The following PDGFD variants were observed in gnomAD, a reference collection of about 807,000 sequenced individuals.
PDGFD encodes the protein platelet-derived growth factor D.
In PDGFD, 30 loss-of-function variants were observed where a neutral mutation model predicts 44.7. The observed-to-expected ratio is 0.67, with a 90% CI of 0.50 to 0.91. The LOEUF is 0.91. Among genes scored for constraint, PDGFD ranks in the 40% least tolerant of loss-of-function variants. The probability of loss-of-function intolerance (pLI) is 0.00; values close to 1 mark genes in which losing one functional copy is unlikely to be tolerated. For missense variants in PDGFD, 445 were observed against 457.8 expected (o/e 0.97, Z 0.25); for synonymous variants, 173 against 168.4 (o/e 1.03, Z -0.21).
intron 6 of PDGFD, among the ~76,000 whole-genome samples, chr11:103,917,875 C>T (rs560114394): frequency 1.6e-4 from 24 of 152,318 alleles, no homozygotes; most frequent in African/African-American, 5.3e-4. Context: ...TTTGCTTGAA[C>T]TTTTGTCCTA....
rs368482614 is a variant in PDGFD, at chr11:104,119,010, A to ATCG, written c.124+44793_124+44794insCGA. ...ATTTATTAATATAATAAAATAATAT[A>ATCG]ATATATTATATAATATATCGATATA... On this transcript the variant is annotated intron_variant, in intron 1 of 6. Coordinates refer to ENST00000393158, the MANE Select transcript of PDGFD (RefSeq NM_025208.5). Among the ~76,000 whole-genome samples, 71 of 21,446 alleles carry ATCG rather than the reference A, an allele frequency of 3.3e-3. 25 individuals carry two copies. Among genetic ancestry groups the ATCG allele is most frequent in the East Asian group, 0.012 (6 of 494 alleles). 14.1% of individuals were successfully genotyped at this position (21,446 alleles called of 152,430 possible).
intron 1 of PDGFD, among the ~76,000 whole-genome samples, chr11:104,137,393 G>C (rs1037074910): frequency 1.3e-5 from 2 of 151,826 alleles, no homozygotes; most frequent in Non-Finnish European, 2.9e-5. Context: ...GAATAAAGTA[G>C]AATGACTGGC....
intron 3 of PDGFD, among the ~76,000 whole-genome samples, chr11:103,970,847 C>A (rs1859093213): frequency 6.6e-6 from 1 of 152,116 alleles, no homozygotes; most frequent in South Asian, 2.1e-4. Context: ...GGCTCTGTAT[C>A]TACAAAGTTT....
intron 1 of PDGFD, among the ~76,000 whole-genome samples, chr11:104,004,371 C>T (rs1859667555): frequency 6.6e-6 from 1 of 152,090 alleles, no homozygotes; most frequent in South Asian, 2.1e-4. Context: ...GCATTATTCC[C>T]TAAACAATAC....
At chr11:104,055,317 G>C (rs1018490367) in intron 1 of PDGFD, among the ~76,000 whole-genome samples, 1 of 152,144 alleles carries the variant, frequency 6.6e-6, no homozygotes, top group African/African-American at 2.4e-5. Flanking sequence ...TTTCATTGTT[G>C]TATGTTTGAT....
chr11:104,101,348 G>C (rs1003076702), intron 1 of PDGFD, among the ~76,000 whole-genome samples: 2 of 151,952 alleles, frequency 1.3e-5, no homozygotes, highest in Non-Finnish European at 2.9e-5. Flanking sequence ...AACTTCCATT[G>C]ACAATTGCTT....
At chr11:104,078,332 T>C (rs1860996466) in intron 1 of PDGFD, among the ~76,000 whole-genome samples, 1 of 152,198 alleles carries the variant, frequency 6.6e-6, no homozygotes, top group Admixed American at 6.5e-5. Flanking sequence ...TGAGGCATGC[T>C]GGACAGGGTC....
chr11:103,977,115 C>T (rs572420212), intron 3 of PDGFD, among the ~76,000 whole-genome samples: 63 of 152,238 alleles, frequency 4.1e-4, no homozygotes, highest in African/African-American at 1.4e-3. Flanking sequence ...GATTTCTAGA[C>T]ATACACCCTC....
chr11:104,153,505 G>A (rs567702445), intron 1 of PDGFD, among the ~76,000 whole-genome samples: 2 of 152,248 alleles, frequency 1.3e-5, no homozygotes, highest in Admixed American at 6.5e-5. Context: ...GAGGAGGGTT[G>A]GGAGTCAGGG....
intron 5 of PDGFD, among the ~76,000 whole-genome samples, chr11:103,927,795 A>C (rs1338991774): frequency 6.6e-6 from 1 of 152,174 alleles, no homozygotes; most frequent in African/African-American, 2.4e-5. Context: ...CAATCACATC[A>C]TGGCTATGTT....
Position 104,062,185 on chromosome 11 carries a change from A to G in PDGFD, c.125-61930T>C, listed in dbSNP as rs117759810. 4.8e-3 allele frequency among the ~76,000 whole-genome samples: 737 copies of G among 152,348 alleles called. 2 individuals are homozygous for G. The highest frequency in any genetic ancestry group is 7.2e-3 in the Non-Finnish European group (493 of 68,030). ...AGCAACTTCTGACTCCATCTGCAAC[A>G]GTGAACATCACCTGGTTCCCAGACA... is the stretch of plus-strand genomic sequence containing the variant. On this transcript the variant is annotated intron_variant, in intron 1 of 6. Transcript: ENST00000393158.
At chr11:104,064,197 T>C (rs749477680) in intron 1 of PDGFD, among the ~76,000 whole-genome samples, 37 of 152,252 alleles carry the variant, frequency 2.4e-4, no homozygotes, top group Non-Finnish European at 4.4e-4. Flanking sequence ...TTCTTTCTCA[T>C]TGAGCATAAA....
At chr11:104,086,997 C>T (rs557514715) in intron 1 of PDGFD, among the ~76,000 whole-genome samples, 1 of 149,760 alleles carries the variant, frequency 6.7e-6, no homozygotes, top group Non-Finnish European at 1.5e-5. Context: ...AAGAACAGTT[C>T]CCTCTTGTAC....
chr11:104,163,206 A>G (rs1862414218), intron 1 of PDGFD, among the ~76,000 whole-genome samples: 1 of 152,128 alleles, frequency 6.6e-6, no homozygotes, highest in Non-Finnish European at 1.5e-5. Context: ...TGAGCTTCTG[A>G]GTCAGGGTGA....
At chr11:104,154,188 C>G (rs1862277642) in intron 1 of PDGFD, among the ~76,000 whole-genome samples, 1 of 152,146 alleles carries the variant, frequency 6.6e-6, no homozygotes, top group Admixed American at 6.6e-5. Context: ...CCTATTAACA[C>G]CATCCCCCAT....
chr11:103,955,787 C>A (rs999365483), intron 3 of PDGFD, among the ~76,000 whole-genome samples: 1 of 151,950 alleles, frequency 6.6e-6, no homozygotes. Context: ...GTAAAAATAT[C>A]TTTAATTAAA....
At chr11:104,062,059 G>T (rs1430471682) in intron 1 of PDGFD, among the ~76,000 whole-genome samples, 1 of 152,186 alleles carries the variant, frequency 6.6e-6, no homozygotes, top group Non-Finnish European at 1.5e-5. Flanking sequence ...TCATAATTGA[G>T]ACACCATCCC....
intron 6 of PDGFD, among the ~76,000 whole-genome samples, chr11:103,918,643 T>C (rs1475901281): frequency 6.6e-6 from 1 of 152,168 alleles, no homozygotes; most frequent in Non-Finnish European, 1.5e-5. Flanking sequence ...ACGGTATATA[T>C]GTGTTTTGCT....
At chr11:104,031,649 G>T (rs1860127756) in intron 1 of PDGFD, among the ~76,000 whole-genome samples, 1 of 152,040 alleles carries the variant, frequency 6.6e-6, no homozygotes, top group African/African-American at 2.4e-5. Context: ...CTAAGTATAT[G>T]CCCCAAGAAA....
Sources: gnomAD v4.1 joint callset for allele counts (sites outside exome capture counted in the v4.1 genomes callset) on GRCh38, gnomAD v4.1.1 for gene constraint, MANE v1.5 for transcripts, NCBI Gene and HGNC (gene_info 2026-07-23, HGNC 2026-07-21) for gene names.